The following NBAS variants were observed in gnomAD, a reference collection of about 807,000 sequenced individuals.
NBAS encodes the protein NAG/BC035112 fusion.
A neutral mutation model predicts 302.5 loss-of-function variants in NBAS; 219 were observed. The observed-to-expected ratio is 0.72, with a 90% confidence interval of 0.65 to 0.81. The LOEUF (loss-of-function observed/expected upper bound fraction) is 0.81. NBAS is among the 30% of genes least tolerant of loss of function. NBAS has a pLI of 0.00. For synonymous variants in NBAS, 1,118 were observed against 1,021.6 expected (o/e 1.09, Z -1.80); for missense variants, 2,932 against 2,841.6 (o/e 1.03, Z -0.72).
intron 48 of NBAS, among the ~76,000 whole-genome samples, chr2:15,215,610 A>T (rs1666615819): frequency 6.6e-6 from 1 of 152,218 alleles, no homozygotes; most frequent in Admixed American, 6.5e-5. Flanking sequence ...AAGGGGATAG[A>T]GAGAAAATGA....
At chr2:15,198,267 T>C (rs1665709498) in intron 48 of NBAS, among the ~76,000 whole-genome samples, 1 of 152,218 alleles carries the variant, frequency 6.6e-6, no homozygotes, top group African/African-American at 2.4e-5. Flanking sequence ...ATCTCCACTT[T>C]AATACACAAG....
At chr2:15,014,726 G>A in the NBAS span, among the ~76,000 whole-genome samples, 1 of 151,792 alleles carries the variant, frequency 6.6e-6, no homozygotes, top group African/African-American at 2.4e-5. Flanking sequence ...TGATACATCT[G>A]AAGGAACTAG....
chr2:15,498,310 A>G (rs1681146006), intron 11 of NBAS, among the ~76,000 whole-genome samples: 1 of 152,236 alleles, frequency 6.6e-6, no homozygotes, highest in Non-Finnish European at 1.5e-5. Context: ...GGATAATACT[A>G]TACCTTTTGA....
the NBAS span, among the ~76,000 whole-genome samples, chr2:15,117,355 G>A: frequency 9.9e-5 from 15 of 152,186 alleles, no homozygotes; most frequent in East Asian, 2.5e-3. Context: ...CACTTTCACC[G>A]CCTATCCATT....
the NBAS span, among the ~76,000 whole-genome samples, chr2:14,866,396 C>A: frequency 6.6e-6 from 1 of 152,012 alleles, no homozygotes; most frequent in Non-Finnish European, 1.5e-5. Context: ...TGCATTGGTA[C>A]CAAAAATGTT....
chr2:14,869,181 C>G, the NBAS span, among the ~76,000 whole-genome samples: 1 of 152,132 alleles, frequency 6.6e-6, no homozygotes, highest in African/African-American at 2.4e-5. Flanking sequence ...TATCTTGGTA[C>G]CTGCCTCTTT....
chr2:15,146,662 G>C, the NBAS span, among the ~76,000 whole-genome samples: 1 of 152,148 alleles, frequency 6.6e-6, no homozygotes, highest in Non-Finnish European at 1.5e-5. Flanking sequence ...AGGATGCAGT[G>C]AGTCTGGGAC....
intron 35 of NBAS, among the ~76,000 whole-genome samples, chr2:15,349,051 C>G (rs892026506): frequency 6.6e-6 from 1 of 152,134 alleles, no homozygotes; most frequent in African/African-American, 2.4e-5. Flanking sequence ...AGAGAGAAAA[C>G]TCTATAAAAT....
chr2:14,889,065 C>T, the NBAS span, among the ~76,000 whole-genome samples: 1 of 152,230 alleles, frequency 6.6e-6, no homozygotes, highest in Admixed American at 6.5e-5. Context: ...AGGTCCATCA[C>T]ATCTCTCTAC....
At position 15,167,343 on chromosome 2, in the gene NBAS, C is replaced by A. The variant is rs543501974; in HGVS notation, c.6841-20G>T. ...ATTCACCTTCAAGAAATAAGACAGG[C>A]ACAGCGTGAGGGGGTGTTTGCTTTG... On this transcript the variant is annotated intron_variant, in intron 51 of 51. Coordinates refer to ENST00000281513, the MANE Select transcript of NBAS (RefSeq NM_015909.4). The A allele has an allele frequency of 1.1e-5, 17 of 1,614,000 alleles. No individual in the cohort carries two copies. The East Asian group carries it at 2.9e-4, about 27-fold the overall frequency.
intron 35 of NBAS, among the ~76,000 whole-genome samples, chr2:15,344,141 T>A (rs1196253591): frequency 6.6e-6 from 1 of 151,850 alleles, no homozygotes; most frequent in Admixed American, 6.6e-5. Flanking sequence ...AAAAAAGAGT[T>A]CATCATCATT....
chr2:15,540,836 C>T (rs1232921118), intron 6 of NBAS, among the ~76,000 whole-genome samples: 1 of 152,082 alleles, frequency 6.6e-6, no homozygotes, highest in Non-Finnish European at 1.5e-5. Context: ...AATTCTCCTG[C>T]CTCAGCCTCC....
At chr2:15,474,405 C>T (rs1223740705) in intron 14 of NBAS, 81 bp from the exon 15 acceptor site, 12 of 1,351,806 alleles carry the variant, frequency 8.9e-6, no homozygotes, top group South Asian at 7.0e-5. Flanking sequence ...AAATATATTT[C>T]TAAATCTACT....
the NBAS span, among the ~76,000 whole-genome samples, chr2:15,002,429 G>C: frequency 6.8e-6 from 1 of 147,682 alleles, no homozygotes; most frequent in East Asian, 1.9e-4. Context: ...CCAGACTCAG[G>C]AGCCCAGCTG....
chr2:14,867,430 A>T, the NBAS span, among the ~76,000 whole-genome samples: 2 of 152,264 alleles, frequency 1.3e-5, no homozygotes, highest in Middle Eastern at 6.8e-3. Flanking sequence ...TAGAAGAATA[A>T]AATATATAAA....
rs1400055490 is a variant in NBAS, at chr2:15,359,749, C to T, written c.3818-3333G>A. The stretch of plus-strand genomic sequence containing the variant: ...TCTTTATTATCTATTAAAATGTAAG[C>T]TTTTGACGGACAGGGGTTGGTTCAT... On this transcript the variant is annotated intron_variant, in intron 32 of 51. Coordinates refer to ENST00000281513, the MANE Select transcript of NBAS (RefSeq NM_015909.4). Among the ~76,000 whole-genome samples, 5 of 152,026 alleles carry T rather than the reference C, an allele frequency of 3.3e-5. No individual in the cohort carries two copies. The East Asian group carries it at 9.6e-4, about 29-fold the overall frequency.
At chr2:15,297,153 T>C (rs1427316412) in intron 40 of NBAS, among the ~76,000 whole-genome samples, 1 of 152,256 alleles carries the variant, frequency 6.6e-6, no homozygotes, top group East Asian at 1.9e-4. Context: ...CTGTCATCTC[T>C]GTTTTACGGA....
rs867910954 is a variant in NBAS, at chr2:15,405,592, T to C, written c.2938-3291A>G. On this transcript the variant is annotated intron_variant, in intron 25 of 51. Transcript: ENST00000281513. ...ACCATAGGCCGCAGATCATCACCCATACTGCATAGCAAGGTAAAATGCAAA... is the reference window on the plus strand; with the variant it reads ...ACCATAGGCCGCAGATCATCACCCACACTGCATAGCAAGGTAAAATGCAAA... 5.3e-5 allele frequency among the ~76,000 whole-genome samples: 8 copies of C among 152,248 alleles called. No individual in the cohort carries two copies. In the East Asian group the frequency reaches 9.7e-4, roughly 18 times the overall value.
chr2:15,406,064 A>G (rs1423580460), intron 25 of NBAS, among the ~76,000 whole-genome samples: 2 of 150,968 alleles, frequency 1.3e-5, no homozygotes, highest in East Asian at 3.9e-4. Context: ...ACAAACTGTT[A>G]CTAAAGTTCA....
Sources: gnomAD v4.1 joint callset for allele counts (sites outside exome capture counted in the v4.1 genomes callset) on GRCh38, gnomAD v4.1.1 for gene constraint, MANE v1.5 for transcripts, NCBI Gene and HGNC (gene_info 2026-07-23, HGNC 2026-07-21) for gene names.